The following DVL3 variants were observed in gnomAD, a reference collection of about 807,000 sequenced individuals.
The protein encoded by DVL3 is dishevelled segment polarity protein 3, also known as segment polarity protein dishevelled homolog DVL-3.
Under a neutral mutation model 67.4 loss-of-function variants are expected in DVL3, and 27 were observed. The observed-to-expected ratio is 0.40, with a 90% CI of 0.30 to 0.55. The LOEUF (loss-of-function observed/expected upper bound fraction) is 0.55. DVL3 is among the 20% of genes least tolerant of loss of function. The pLI is 0.46. For synonymous variants in DVL3, 369 were observed against 396.8 expected (o/e 0.93, Z 0.83); for missense variants, 819 against 1,021.5 (o/e 0.80, Z 2.70).
intron 13 of DVL3, among the ~76,000 whole-genome samples, chr3:184,168,981 G>A (rs1266688229): frequency 6.6e-6 from 1 of 152,130 alleles, no homozygotes; most frequent in Non-Finnish European, 1.5e-5. Context: ...AGAGCAGTGG[G>A]GGAGGCACCT....
chr3:184,171,634 C>A lies in DVL3; in HGVS notation c.*879C>A, dbSNP rs144189535. 1.6e-3 allele frequency: 1,604 copies of A among 980,132 alleles called. 5 individuals are homozygous for A. The highest frequency in any genetic ancestry group is 1.9e-3 in the Non-Finnish European group (1,563 of 824,726). 60.7% of individuals were successfully genotyped at this position (980,132 alleles called of 1,614,324 possible). ...AGGGGAGGCCCAGCCTCCGAGGAGA[C>A]CAGGAACCCTGCTTCAGCAGCCCCT... On this transcript the variant is annotated 3_prime_UTR_variant, in exon 15 of 15. Coordinates refer to ENST00000313143, the MANE Select transcript of DVL3 (RefSeq NM_004423.4).
In DVL3 at chr3:184,171,148, C is replaced by T. The variant is rs369734425; in HGVS notation, c.*393C>T. 1 of 1,170,176 alleles carries T rather than the reference C, an allele frequency of 8.5e-7. No homozygotes were observed. The highest frequency in any genetic ancestry group is 1.8e-5 in the South Asian group (1 of 57,104). The allele number at this position is 1,170,176 out of a possible 1,614,324, so 72.5% of individuals were successfully genotyped here. ...TCTCGTTTCCCCTTTAGCTCCCTTT[C>T]ACCATTTATTCAGCTACATCATCCC... On this transcript the variant is annotated 3_prime_UTR_variant, in exon 15 of 15. Transcript: ENST00000313143.
At position 184,163,771 on chromosome 3, in the gene DVL3, G is replaced by A; in HGVS notation, c.231+45G>A. 6.4e-7 allele frequency: 1 copy of A among 1,551,936 alleles called. No individual in the cohort carries two copies. The highest frequency in any genetic ancestry group is 1.1e-5 in the South Asian group (1 of 89,640). On this transcript the variant is annotated intron_variant, in intron 2 of 14. Coordinates refer to ENST00000313143, the MANE Select transcript of DVL3 (RefSeq NM_004423.4). This position sits in a 1 kb window ranked among gnomAD's most constrained non-coding sequence, Gnocchi z 4.5. ...CCATCCACCTGCATCCCTGTGCTGGGCTGGACGAGGGAAAGGCATCACTGA... is the reference window on the plus strand; with the variant it reads ...CCATCCACCTGCATCCCTGTGCTGGACTGGACGAGGGAAAGGCATCACTGA...
intron 13 of DVL3, 83 bp from the exon 14 acceptor site, chr3:184,169,921 GTC>G (rs1714745611): frequency 4.0e-6 from 5 of 1,249,380 alleles, no homozygotes; most frequent in Admixed American, 4.6e-5. Flanking sequence ...AACTACCACG[GTC>G]TCTCTCATCC....
chr3:184,169,939 C>T, intron 13 of DVL3, 67 bp from the exon 14 acceptor site: 1 of 1,404,050 alleles, frequency 7.1e-7, no homozygotes, highest in Non-Finnish European at 9.8e-7. Context: ...CATCCAGAGC[C>T]CACCTGACCT....
intron 1 of DVL3, among the ~76,000 whole-genome samples, chr3:184,161,828 C>G (rs1425396344): frequency 1.3e-5 from 2 of 152,196 alleles, no homozygotes; most frequent in African/African-American, 4.8e-5. Context: ...GGTGAAATTC[C>G]AGCTCTGACA....
At position 184,164,937 on chromosome 3, in the gene DVL3, G is replaced by A. The variant is rs1311054594; in HGVS notation, c.599+6G>A. 1 of 1,614,124 alleles carries A rather than the reference G, an allele frequency of 6.2e-7. No individual in the cohort carries two copies. The highest frequency in any genetic ancestry group is 8.5e-7 in the Non-Finnish European group (1 of 1,180,006). ...GAGGATGACTCCACCAGCAGGTGGG[G>A]CTTGAGTTTCATGGGTATTGTGGGG... On this transcript the variant is annotated splice_donor_region_variant and intron_variant, in intron 5 of 14. Transcript: ENST00000313143. This position sits in a 1 kb window ranked among gnomAD's most constrained non-coding sequence, Gnocchi z 5.3.
chr3:184,165,488 A>G lies in DVL3; in HGVS notation c.760A>G (p.Met254Val), dbSNP rs1714551152. Residue 254 changes from methionine (M) to valine (V), a missense_variant, in exon 7 of 15, where the codon ATG (methionine) becomes GTG (valine). Met to Val is a conservative substitution (Grantham distance 21). Around this residue, in one of 3 missense-constraint regions of DVL3, gnomAD observed 385 missense variants for 486.8 expected, o/e 0.79. Transcript: ENST00000313143. This position sits in a 1 kb window ranked among gnomAD's most constrained non-coding sequence, Gnocchi z 4.1. ...CAACATCATCACGGTCACTCTCAACATGGGTGAGTCTGAGGAAACAGCACT... is the reference window on the plus strand; with the variant it reads ...CAACATCATCACGGTCACTCTCAACGTGGGTGAGTCTGAGGAAACAGCACT... The part of the protein sequence containing the change: ...SLNIITVTLN[M>V]EKYNFLGISI... 1.2e-6 allele frequency: 2 copies of G among 1,613,826 alleles called. No homozygotes were observed. Among genetic ancestry groups the G allele is most frequent in the Non-Finnish European group, 1.7e-6 (2 of 1,179,756 alleles).
In DVL3 at chr3:184,170,788, C is replaced by T; in HGVS notation, c.*33C>T. 6.2e-7 allele frequency: 1 copy of T among 1,609,844 alleles called. No individual in the cohort carries two copies. Among genetic ancestry groups the T allele is most frequent in the Non-Finnish European group, 8.5e-7 (1 of 1,178,524 alleles). Reference sequence around the variant, plus strand: ...CCCTCCCCCAGCTCCATTCCGCTCCCACCCCAGCCGGCTGCGTTCCTCTCT... The same window carrying T: ...CCCTCCCCCAGCTCCATTCCGCTCCTACCCCAGCCGGCTGCGTTCCTCTCT... On this transcript the variant is annotated 3_prime_UTR_variant, in exon 15 of 15. Transcript: ENST00000313143. This position sits in a 1 kb window ranked among gnomAD's most constrained non-coding sequence, Gnocchi z 6.5.
In DVL3 at chr3:184,165,732, G is replaced by C. The variant is rs1277563161; in HGVS notation, c.763+241G>C. On this transcript the variant is annotated intron_variant, in intron 7 of 14. Coordinates refer to ENST00000313143, the MANE Select transcript of DVL3 (RefSeq NM_004423.4). This position sits in a 1 kb window ranked among gnomAD's most constrained non-coding sequence, Gnocchi z 4.1. ...AGGCTTCCTGGAGGAAGTGATTTCTGAGTGCCCACTCCTTCACATCTCTCA... is the reference window on the plus strand; with the variant it reads ...AGGCTTCCTGGAGGAAGTGATTTCTCAGTGCCCACTCCTTCACATCTCTCA... 6.6e-6 allele frequency among the ~76,000 whole-genome samples: 1 copy of C among 152,200 alleles called. No homozygotes were observed. Among genetic ancestry groups the C allele is most frequent in the Non-Finnish European group, 1.5e-5 (1 of 68,040 alleles).
chr3:184,160,220 G>C (rs1714334643), intron 1 of DVL3, among the ~76,000 whole-genome samples: 1 of 151,680 alleles, frequency 6.6e-6, no homozygotes, highest in South Asian at 2.1e-4. Flanking sequence ...CAAAGTGCTG[G>C]GATTACAGGC....
rs1214358736 is a variant in DVL3, at chr3:184,166,644, G to A, written c.1019G>A (p.Ser340Asn). Reference protein sequence around the residue: ...TLTVAKCWDPSPRGCFTLPRS... With the variant: ...TLTVAKCWDPNPRGCFTLPRS... ...ACTGTAGCCAAGTGCTGGGACCCAA[G>A]TCCACGTGGTTGCTTCACATTGCCC... Residue 340 changes from serine to asparagine, a missense_variant, in exon 10 of 15, where the codon AGT becomes AAT. Ser to Asn is a conservative substitution (Grantham distance 46). Around this residue, in one of 3 missense-constraint regions of DVL3, gnomAD observed 385 missense variants for 486.8 expected, o/e 0.79. Transcript: ENST00000313143. This position sits in a 1 kb window ranked among gnomAD's most constrained non-coding sequence, Gnocchi z 6.7. 6.2e-7 allele frequency: 1 copy of A among 1,614,178 alleles called. No homozygotes were observed. Among genetic ancestry groups the A allele is most frequent in the East Asian group, 2.2e-5 (1 of 44,884 alleles).
Position 184,170,083 on chromosome 3 carries a change from C to T in DVL3, c.1576C>T (p.His526Tyr). The T allele has an allele frequency of 2.5e-6, 4 of 1,613,984 alleles. No homozygotes were observed. The highest frequency in any genetic ancestry group is 1.7e-6 in the Non-Finnish European group (2 of 1,179,946). Residue 526 changes from histidine (H) to tyrosine (Y), a missense_variant, in exon 14 of 15, where the codon CAC (histidine) becomes TAC (tyrosine). By Grantham distance (83) the His-to-Tyr change is moderately conservative. Coordinates refer to ENST00000313143, the MANE Select transcript of DVL3 (RefSeq NM_004423.4). This position sits in a 1 kb window ranked among gnomAD's most constrained non-coding sequence, Gnocchi z 6.5. ...CCAGGACACACTGGCCCCTTTGCCG[C>T]ACCCGGGGGCCGCCCCTTGGCCCAT... Reference protein sequence around the residue: ...SDQDTLAPLPHPGAAPWPMAF... With the variant: ...SDQDTLAPLPYPGAAPWPMAF...
rs1022586767 is a variant in DVL3 at position 184,166,994 on chromosome 3, C to G, written c.1198+19C>G. 1 of 1,613,050 alleles carries G rather than the reference C, an allele frequency of 6.2e-7. No homozygotes were observed. The highest frequency in any genetic ancestry group is 8.5e-7 in the Non-Finnish European group (1 of 1,179,320). ...ACAGAGCGTGAGTGTCCCACCCTGTCTCCTGGGCCCAGCAGACAGGGCCAG... is the reference window on the plus strand; with the variant it reads ...ACAGAGCGTGAGTGTCCCACCCTGTGTCCTGGGCCCAGCAGACAGGGCCAG... On this transcript the variant is annotated intron_variant, in intron 11 of 14. Coordinates refer to ENST00000313143, the MANE Select transcript of DVL3 (RefSeq NM_004423.4). The surrounding 1 kb of genome is among the most constrained non-coding windows in gnomAD (Gnocchi z 6.7).
In DVL3 at chr3:184,161,143, G is replaced by C. The variant is rs375405216; in HGVS notation, c.162-2514G>C. Among the ~76,000 whole-genome samples, 45 of 152,264 alleles carry C rather than the reference G, an allele frequency of 3.0e-4. No homozygotes were observed. The East Asian group carries it at 5.6e-3, about 19-fold the overall frequency. On this transcript the variant is annotated intron_variant, in intron 1 of 14. Transcript: ENST00000313143. ...GGCAGAAGCTGCTCTAAGAACAAGG[G>C]GGGCCAGGCACGGCGGCTCACGCCT...
At position 184,163,843 on chromosome 3, in the gene DVL3, G is replaced by A; in HGVS notation, c.231+117G>A. 1.1e-6 allele frequency: 1 copy of A among 907,746 alleles called. No homozygotes were observed. Among genetic ancestry groups the A allele is most frequent in the South Asian group, 1.6e-5 (1 of 63,576 alleles). 56.2% of individuals were successfully genotyped at this position (907,746 alleles called of 1,614,324 possible). On this transcript the variant is annotated intron_variant, in intron 2 of 14. Coordinates refer to ENST00000313143, the MANE Select transcript of DVL3 (RefSeq NM_004423.4). The surrounding 1 kb of genome is among the most constrained non-coding windows in gnomAD (Gnocchi z 4.5). ...GCTTCAGTATCTGAATCTTTCTTTA[G>A]TTTTGCAAATGAACTGCTTCTCACC...
At chr3:184,162,423 C>T (rs926429280) in intron 1 of DVL3, among the ~76,000 whole-genome samples, 8 of 152,034 alleles carry the variant, frequency 5.3e-5, no homozygotes, top group Admixed American at 5.3e-4. Context: ...TGGCCTCAAG[C>T]GATCCTCCTG....
Position 184,166,163 on chromosome 3 carries a change from A to G in DVL3, c.801A>G (p.Gln267=). ...YNFLGISIVG[Q]SNERGDGGIY... ...TCTTGGGCATCTCCATTGTGGGCCA[A>G]AGCAACGAGCGTGGTGACGGCGGCA... Residue 267 remains glutamine (Q), a synonymous_variant, in exon 8 of 15, where the codon CAA becomes CAG. Coordinates refer to ENST00000313143, the MANE Select transcript of DVL3 (RefSeq NM_004423.4). This position sits in a 1 kb window ranked among gnomAD's most constrained non-coding sequence, Gnocchi z 6.7. The G allele has an allele frequency of 6.2e-7, 1 of 1,613,866 alleles. No individual in the cohort carries two copies. The highest frequency in any genetic ancestry group is 2.2e-5 in the East Asian group (1 of 44,880).
Position 184,164,711 on chromosome 3 carries a change from C to G in DVL3, c.464-85C>G. On this transcript the variant is annotated intron_variant, in intron 4 of 14. Coordinates refer to ENST00000313143, the MANE Select transcript of DVL3 (RefSeq NM_004423.4). The surrounding 1 kb of genome is among the most constrained non-coding windows in gnomAD (Gnocchi z 5.3). ...TCCCGAGCTCAGGATATGCCTGGCC[C>G]CAGTGCAGCCCCTGGCTTGCCTCTC... The G allele has an allele frequency of 6.3e-7, 1 of 1,596,128 alleles. No individual in the cohort carries two copies. Among genetic ancestry groups the G allele is most frequent in the South Asian group, 1.1e-5 (1 of 88,276 alleles).
Sources: gnomAD v4.1 joint callset for allele counts (sites outside exome capture counted in the v4.1 genomes callset) on GRCh38, gnomAD v4.1.1 for gene constraint, gnomAD v4.1.1 regional missense constraint, Gnocchi (gnomAD v3.1) non-coding constraint, MANE v1.5 for transcripts, NCBI Gene and HGNC (gene_info 2026-07-23, HGNC 2026-07-21) for gene names.